PUDP: variants seen among roughly 807,000 people sequenced by gnomAD.
The protein encoded by PUDP is pseudouridine-5'-phosphatase.
Under a neutral mutation model 9.4 loss-of-function variants are expected in PUDP, and 8 were observed. The observed-to-expected ratio is 0.85, with a 90% confidence interval of 0.50 to 1.53. The LOEUF (loss-of-function observed/expected upper bound fraction) is 1.53. Ranked by LOEUF, PUDP falls within the 40% of genes most tolerant of loss-of-function variation. PUDP has a pLI of 0.00. For missense variants in PUDP, 188 were observed against 189.7 expected, an observed-to-expected ratio of 0.99 and a Z score of 0.05; for synonymous variants, 99 against 80.7, an observed-to-expected ratio of 1.23 and a Z score of -1.22.
At chrX:7,024,591 C>CTT (rs34428928) in intron 1 of PUDP, among the ~76,000 whole-genome samples, 1 of 91,467 alleles carries the variant, frequency 1.1e-5, no homozygotes, top group Non-Finnish European at 2.1e-5. Flanking sequence ...AGCCTTCTCT[C>CTT]TTTTTTTTTT....
intron 1 of PUDP, among the ~76,000 whole-genome samples, chrX:6,711,270 C>T (rs115042420): frequency 0.064 from 7,065 of 110,772 alleles, 281 homozygotes; most frequent in African/African-American, 0.12. Context: ...GAAATAGCAT[C>T]GGAGGAAAAG....
chrX:6,918,114 T>C (rs1927963042), intron 3 of PUDP, among the ~76,000 whole-genome samples: 1 of 112,441 alleles, frequency 8.9e-6, no homozygotes, highest in Non-Finnish European at 1.9e-5. Flanking sequence ...ATATTAATTA[T>C]GTATGATGCC....
intron 3 of PUDP, among the ~76,000 whole-genome samples, chrX:6,817,340 T>A (rs949536316): frequency 4.5e-5 from 5 of 111,485 alleles, no homozygotes; most frequent in African/African-American, 1.6e-4. Flanking sequence ...CCCAAAGTGC[T>A]GGGATTACAG....
intron 1 of PUDP, among the ~76,000 whole-genome samples, chrX:7,140,898 ATCTGTTACG>A (rs1259675092): frequency 1.8e-5 from 2 of 112,126 alleles, no homozygotes; most frequent in African/African-American, 3.2e-5. Flanking sequence ...TCATTATTAC[ATCTGTTACG>A]TCAATCTGTG....
intron 3 of PUDP, among the ~76,000 whole-genome samples, chrX:6,753,160 G>C (rs1465729237): frequency 1.8e-5 from 2 of 111,277 alleles, no homozygotes; most frequent in African/African-American, 6.5e-5. Flanking sequence ...AAAGTTGATT[G>C]TGTCATTCTT....
rs760506392 is a variant in PUDP at position 7,001,466 on chromosome X, A to C, written c.205-23123T>G. Among the ~76,000 whole-genome samples, 10 of 111,466 alleles carry C rather than the reference A, an allele frequency of 9.0e-5. No homozygotes were observed. In the East Asian group the frequency reaches 2.8e-3, roughly 31 times the overall value. Reference sequence around the variant, plus strand: ...TATATGAAAGAACAAAGAGCCATAAATAACCAAGATACTTCTGAGAAAAAG... The same window carrying C: ...TATATGAAAGAACAAAGAGCCATAACTAACCAAGATACTTCTGAGAAAAAG... On this transcript the variant is annotated intron_variant and NMD_transcript_variant, in intron 1 of 3. Transcript: ENST00000655425.
intron 3 of PUDP, among the ~76,000 whole-genome samples, chrX:6,897,413 T>G (rs1038578241): frequency 9.0e-6 from 1 of 111,620 alleles, no homozygotes; most frequent in Non-Finnish European, 1.9e-5. Flanking sequence ...CTCCTTGCAG[T>G]AGCCCCTTGC....
intron 3 of PUDP, among the ~76,000 whole-genome samples, chrX:6,797,965 CCTGA>C (rs10610336): frequency 0.024 from 2,701 of 111,781 alleles, 35 homozygotes; most frequent in Middle Eastern, 0.069. Flanking sequence ...ATAATGTTGA[CCTGA>C]CTACTTTAAT....
At chrX:7,065,562 A>G (rs1189370763) in intron 3 of PUDP, among the ~76,000 whole-genome samples, 1 of 112,190 alleles carries the variant, frequency 8.9e-6, no homozygotes. Flanking sequence ...TCCTCGCATA[A>G]ATCCCCAAAC....
intron 3 of PUDP, among the ~76,000 whole-genome samples, chrX:6,769,025 C>T (rs983817636): frequency 1.8e-5 from 2 of 111,771 alleles, no homozygotes; most frequent in Non-Finnish European, 3.8e-5. Context: ...AGAAGGCGCT[C>T]ACTGGCACAG....
intron 3 of PUDP, among the ~76,000 whole-genome samples, chrX:6,848,535 T>C (rs1043454762): frequency 8.9e-6 from 1 of 112,134 alleles, no homozygotes; most frequent in Non-Finnish European, 1.9e-5. Flanking sequence ...AACACCAGAA[T>C]GTAACAGATG....
intron 3 of PUDP, among the ~76,000 whole-genome samples, chrX:6,782,256 C>T (rs756696506): frequency 9.0e-6 from 1 of 111,294 alleles, no homozygotes; most frequent in South Asian, 3.8e-4. Flanking sequence ...AGTACAGCTC[C>T]ATCCCTGGAT....
intron 3 of PUDP, among the ~76,000 whole-genome samples, chrX:6,972,887 T>G (rs1928898702): frequency 8.9e-6 from 1 of 111,855 alleles, no homozygotes; most frequent in Non-Finnish European, 1.9e-5. Flanking sequence ...TTTTCAGAAC[T>G]TGTTATTGGC....
chrX:6,832,987 T>TACACACACACACACACAC (rs200319848), intron 3 of PUDP, among the ~76,000 whole-genome samples: 23 of 106,323 alleles, frequency 2.2e-4, no homozygotes, highest in African/African-American at 5.2e-4. Context: ...CTCTCTGACA[T>TACACACACACACACACAC]ACACACACAC....
At chrX:7,051,063 C>T (rs886595056) in intron 3 of PUDP, among the ~76,000 whole-genome samples, 4 of 111,519 alleles carry the variant, frequency 3.6e-5, no homozygotes, top group Non-Finnish European at 7.5e-5. Context: ...CAACACCATC[C>T]AAAACCCGTG....
At chrX:6,939,254 A>G (rs891072061) in intron 3 of PUDP, among the ~76,000 whole-genome samples, 1 of 108,902 alleles carries the variant, frequency 9.2e-6, no homozygotes, top group Admixed American at 9.9e-5. Flanking sequence ...AAACCATAGC[A>G]TTAGATAAAG....
rs1020253169 is a variant in PUDP, at chrX:6,743,994, T to C, written c.*248-37528A>G. 1.4e-4 allele frequency among the ~76,000 whole-genome samples: 16 copies of C among 111,639 alleles called. 1 individual carries two copies. Among genetic ancestry groups the C allele is most frequent in the African/African-American group, 5.2e-4 (16 of 30,534 alleles). On this transcript the variant is annotated intron_variant and NMD_transcript_variant, in intron 3 of 3. Transcript: ENST00000655425. ...AGGCATTTTAGGGAACCTCACCCAG[T>C]GGCATCTCTTAGCTACCCCATGGAG...
intron 3 of PUDP, among the ~76,000 whole-genome samples, chrX:6,902,957 C>T (rs1180037364): frequency 9.0e-6 from 1 of 111,331 alleles, no homozygotes; most frequent in South Asian, 3.8e-4. Flanking sequence ...ACAAGGTATT[C>T]GGTTACAATG....
chrX:7,045,343 A>G (rs1929971124), downstream of PUDP, among the ~76,000 whole-genome samples: 1 of 112,036 alleles, frequency 8.9e-6, no homozygotes, highest in Admixed American at 9.4e-5. Flanking sequence ...GTGAAAACAG[A>G]CCAATACACG....
Sources: gnomAD v4.1 joint callset for allele counts (sites outside exome capture counted in the v4.1 genomes callset) on GRCh38, gnomAD v4.1.1 for gene constraint, MANE v1.5 for transcripts, NCBI Gene and HGNC (gene_info 2026-07-23, HGNC 2026-07-21) for gene names.